LAMB3: variants seen among roughly 807,000 people sequenced by gnomAD.
LAMB3 encodes laminin subunit beta 3.
In LAMB3, 104 loss-of-function variants were observed where a neutral mutation model predicts 140.3. The observed-to-expected ratio is 0.74, with a 90% CI of 0.63 to 0.87. The LOEUF (loss-of-function observed/expected upper bound fraction) is 0.87. Among genes scored for constraint, LAMB3 ranks in the 40% least tolerant of loss-of-function variants. LAMB3 has a pLI of 0.00. For synonymous variants in LAMB3, 592 were observed against 602.9 expected (o/e 0.98, Z 0.26); for missense variants, 1,531 against 1,575.2 (o/e 0.97, Z 0.47).
intron 10 of LAMB3, among the ~76,000 whole-genome samples, chr1:209,629,174 C>A (rs897504834): frequency 6.6e-6 from 1 of 152,204 alleles, no homozygotes; most frequent in African/African-American, 2.4e-5. Context: ...TATATGAAGT[C>A]GCTGGCTCTT....
At chr1:209,622,002 C>T (rs567107171) in intron 18 of LAMB3, among the ~76,000 whole-genome samples, 71 of 152,272 alleles carry the variant, frequency 4.7e-4, no homozygotes, top group African/African-American at 1.6e-3. Flanking sequence ...ACAAACAGAT[C>T]GGATGGTCAG....
At chr1:209,628,211 C>A in intron 10 of LAMB3, 21 bp from the exon 11 acceptor site, 1 of 1,552,186 alleles carries the variant, frequency 6.4e-7, no homozygotes, top group Non-Finnish European at 8.7e-7. Context: ...ACAGCAGCCA[C>A]CGCAGTAGGA....
intron 3 of LAMB3, among the ~76,000 whole-genome samples, chr1:209,639,345 G>A (rs972992659): frequency 6.6e-5 from 10 of 152,206 alleles, no homozygotes; most frequent in African/African-American, 2.4e-4. Context: ...CAAAATTCTA[G>A]TGACATTCAA....
chr1:209,646,173 G>C (rs139597537), intron 3 of LAMB3, among the ~76,000 whole-genome samples: 1 of 152,180 alleles, frequency 6.6e-6, no homozygotes, highest in Non-Finnish European at 1.5e-5. Context: ...AGACATTGTC[G>C]GGAGCAGAAA....
intron 8 of LAMB3, 77 bp downstream of exon 8, chr1:209,632,506 T>C (rs868843574): frequency 8.5e-7 from 1 of 1,180,456 alleles, no homozygotes; most frequent in Non-Finnish European, 1.2e-6. Flanking sequence ...CTTCCTGCTT[T>C]ACAGGAGCCC....
chr1:209,650,669 C>T (rs1558170856), intron 2 of LAMB3, among the ~76,000 whole-genome samples: 1 of 152,246 alleles, frequency 6.6e-6, no homozygotes, highest in Non-Finnish European at 1.5e-5. Flanking sequence ...ACTCAGGAAA[C>T]CACAAACCAC....
chr1:209,616,710 T>G, intron 21 of LAMB3, 86 bp from the exon 22 acceptor site: 1 of 1,340,152 alleles, frequency 7.5e-7, no homozygotes, highest in Non-Finnish European at 1.1e-6. Context: ...ATCACCCAAA[T>G]CAATACACAG....
At position 209,617,982 on chromosome 1, in the gene LAMB3, CA is replaced by C. The variant is rs770548526; in HGVS notation, c.2975del (p.Val992GlyfsTer38). The C allele has an allele frequency of 1.9e-6, 3 of 1,614,176 alleles. No homozygotes were observed. The Admixed American group carries it at 5.0e-5, about 27-fold the overall frequency. Reference protein sequence around the residue: ...DVVGNLRQGTVALQEAQDTMQ... With the variant: ...DVVGNLRQGTXALQEAQDTMQ... ...TGGTGTCCTGAGCTTCCTGCAGTGC[CA>C]CTGTCCCCTGCCGCAGGTTCCCAAC... On this transcript the variant is annotated frameshift_variant, in exon 20 of 23. Transcript: ENST00000356082. LOFTEE classifies it high-confidence loss of function.
rs147931502 is a variant in LAMB3 at position 209,615,311 on chromosome 1, T to A, written c.3479A>T (p.His1160Leu). ...ATAGTAGAGCACGCGCCCATTGATG[T>A]GGTCACGGATCTGCTCCACACGCTT... ...LEKRVEQIRD[H>L]INGRVLYYAT... Residue 1160 changes from histidine to leucine, a missense_variant, in exon 23 of 23, where the codon CAC (histidine) becomes CTC (leucine). Physicochemically the swap from His to Leu is moderately conservative, Grantham distance 99 (BLOSUM62 -3). Coordinates refer to ENST00000356082, the MANE Select transcript of LAMB3 (RefSeq NM_000228.3). The A allele has an allele frequency of 1.2e-6, 2 of 1,614,016 alleles. No homozygotes were observed. The highest frequency in any genetic ancestry group is 2.7e-5 in the African/African-American group (2 of 74,946).
intron 13 of LAMB3, among the ~76,000 whole-genome samples, chr1:209,626,631 G>C (rs575058370): frequency 6.6e-6 from 1 of 152,376 alleles, no homozygotes; most frequent in South Asian, 2.1e-4. Flanking sequence ...GAAGTGGGGA[G>C]CAAAGCAACC....
intron 22 of LAMB3, 116 bp downstream of exon 22, chr1:209,616,355 A>G: frequency 8.4e-7 from 1 of 1,192,422 alleles, no homozygotes; most frequent in Middle Eastern, 2.7e-4. Flanking sequence ...ATCTCATTTG[A>G]TCTCACTCCC....
intron 5 of LAMB3, among the ~76,000 whole-genome samples, 195 bp from the exon 6 acceptor site, chr1:209,634,833 A>G (rs933071764): frequency 9.9e-5 from 15 of 152,060 alleles, no homozygotes; most frequent in African/African-American, 3.6e-4. Flanking sequence ...TCTGCCTTCC[A>G]GGAGTGATCC....
At chr1:209,633,929 G>T (rs999385988) in intron 6 of LAMB3, among the ~76,000 whole-genome samples, 2 of 152,172 alleles carry the variant, frequency 1.3e-5, no homozygotes, top group African/African-American at 2.4e-5. Context: ...CTTCAGGCAG[G>T]TTCTTATTTC....
At chr1:209,633,158 C>T (rs112756056) in intron 6 of LAMB3, 25 bp from the exon 7 acceptor site, 627 of 1,566,218 alleles carry the variant, frequency 4.0e-4, no homozygotes, top group Non-Finnish European at 4.5e-4. Context: ...GAAAGAGAAG[C>T]GCTGAAGAAG....
At position 209,644,086 on chromosome 1, in the gene LAMB3, G is replaced by A. The variant is rs538466601; in HGVS notation, c.184-5438C>T. On this transcript the variant is annotated intron_variant, in intron 3 of 22. Coordinates refer to ENST00000356082, the MANE Select transcript of LAMB3 (RefSeq NM_000228.3). Reference sequence around the variant, plus strand: ...GGACAGGGAGAAGGAGATCCTTGAGGCCTATGGTCAGTCAGGCCTCCATTA... The same window carrying A: ...GGACAGGGAGAAGGAGATCCTTGAGACCTATGGTCAGTCAGGCCTCCATTA... Among the ~76,000 whole-genome samples the A allele has an allele frequency of 1.1e-4, 17 of 152,256 alleles. No individual in the cohort carries two copies. In the South Asian group the frequency reaches 3.5e-3, roughly 32 times the overall value.
Position 209,648,861 on chromosome 1 carries a change from T to A in LAMB3, c.183+1103A>T, listed in dbSNP as rs573461025. ...CACTCTGTTGCCTAAAAAAAAAAATTTTTTTAATTTTTATTTTTTTAAAAA... is the reference window on the plus strand; with the variant it reads ...CACTCTGTTGCCTAAAAAAAAAAATATTTTTAATTTTTATTTTTTTAAAAA... On this transcript the variant is annotated intron_variant, in intron 3 of 22. Transcript: ENST00000356082. Among the ~76,000 whole-genome samples, 37 of 152,224 alleles carry A rather than the reference T, an allele frequency of 2.4e-4. 1 individual carries two copies. The highest frequency in any genetic ancestry group is 8.2e-4 in the African/African-American group (34 of 41,506).
chr1:209,630,810 C>T (rs1214172426), intron 8 of LAMB3, 75 bp from the exon 9 acceptor site: 4 of 1,533,700 alleles, frequency 2.6e-6, no homozygotes, highest in Non-Finnish European at 3.6e-6. Context: ...CCACTGCCCT[C>T]TGACCCTCTG....
chr1:209,630,938 T>C (rs1303710088), intron 8 of LAMB3, among the ~76,000 whole-genome samples: 1 of 152,224 alleles, frequency 6.6e-6, no homozygotes, highest in Non-Finnish European at 1.5e-5. Flanking sequence ...TATGAGCATG[T>C]GTGTGTGTGC....
chr1:209,619,231 T>C (rs573398847), intron 18 of LAMB3, among the ~76,000 whole-genome samples: 1 of 152,312 alleles, frequency 6.6e-6, no homozygotes, highest in Admixed American at 6.5e-5. Context: ...TTATCGTCCC[T>C]CCCTGCCTTA....
Sources: gnomAD v4.1 joint callset for allele counts (sites outside exome capture counted in the v4.1 genomes callset) on GRCh38, gnomAD v4.1.1 for gene constraint, MANE v1.5 for transcripts, NCBI Gene and HGNC (gene_info 2026-07-23, HGNC 2026-07-21) for gene names.